Variants in LIN28B observed in about 807,000 individuals in gnomAD.
LIN28B encodes protein lin-28 homolog B.
LIN28B carries 5 observed loss-of-function variants against 21.9 expected under a neutral mutation model. The ratio of observed to expected loss-of-function variants is 0.23; its 90% CI spans 0.12 to 0.48. LIN28B has a LOEUF of 0.48. Among genes scored for constraint, LIN28B ranks in the 20% least tolerant of loss-of-function variants. LIN28B has a pLI of 0.98. For synonymous variants in LIN28B, 109 were observed against 111.3 expected, an observed-to-expected ratio of 0.98 and a Z score of 0.13; for missense variants, 245 against 310.5, an observed-to-expected ratio of 0.79 and a Z score of 1.58.
At chr6:104,983,944 T>G (rs1266511176) in intron 2 of LIN28B, among the ~76,000 whole-genome samples, 2 of 152,218 alleles carry the variant, frequency 1.3e-5, no homozygotes, top group Non-Finnish European at 2.9e-5. Context: ...AAATACTTAT[T>G]TTCAATTTAT....
intron 3 of LIN28B, among the ~76,000 whole-genome samples, chr6:105,034,419 G>A (rs1771484969): frequency 6.6e-6 from 1 of 151,820 alleles, no homozygotes; most frequent in Non-Finnish European, 1.5e-5. Flanking sequence ...AGTTAAAGTG[G>A]TAATATATTT....
chr6:104,947,196 C>T (rs1562559014), intron 2 of LIN28B, among the ~76,000 whole-genome samples: 1 of 152,154 alleles, frequency 6.6e-6, no homozygotes, highest in Non-Finnish European at 1.5e-5. Context: ...GGGATCTTGG[C>T]TCACTGCAAC....
At chr6:105,029,203 T>G (rs1771365420) in intron 3 of LIN28B, among the ~76,000 whole-genome samples, 1 of 152,134 alleles carries the variant, frequency 6.6e-6, no homozygotes, top group African/African-American at 2.4e-5. Flanking sequence ...GACAATCTTT[T>G]GAGAAGTGTT....
chr6:104,948,655 T>C (rs922203569), intron 2 of LIN28B, among the ~76,000 whole-genome samples: 3 of 152,246 alleles, frequency 2.0e-5, no homozygotes, highest in African/African-American at 7.2e-5. Context: ...GTCTCATTCC[T>C]ATTATAGTTG....
chr6:104,946,107 A>G (rs1187088729), intron 2 of LIN28B, among the ~76,000 whole-genome samples: 1 of 151,944 alleles, frequency 6.6e-6, no homozygotes, highest in Non-Finnish European at 1.5e-5. Flanking sequence ...TTATAAATAT[A>G]AGAAATAATG....
chr6:105,057,996 C>T (rs994325713), intron 3 of LIN28B: 2 of 342,290 alleles, frequency 5.8e-6, no homozygotes, highest in Admixed American at 4.1e-5. Context: ...CTCATGGTCC[C>T]TTATTTATTT....
chr6:105,057,377 C>CTATGACAGCACT (rs751373698), intron 3 of LIN28B, among the ~76,000 whole-genome samples: 26 of 152,156 alleles, frequency 1.7e-4, no homozygotes, highest in Non-Finnish European at 3.4e-4. Context: ...TATCATCTGC[C>CTATGACAGCACT]ATCTGACAGC....
At chr6:104,941,534 C>T (rs1256062445) in intron 2 of LIN28B, 1 of 148,302 alleles carries the variant, frequency 6.7e-6, no homozygotes, top group Admixed American at 6.9e-5. Flanking sequence ...GGCGGCGGGT[C>T]CTCGCGGCCG....
At chr6:104,957,699 C>A (rs1230325929) in intron 1 of LIN28B, among the ~76,000 whole-genome samples, 1 of 152,138 alleles carries the variant, frequency 6.6e-6, no homozygotes, top group Non-Finnish European at 1.5e-5. Flanking sequence ...TTCACGATTT[C>A]TCTTTCCTCC....
chr6:104,989,576 G>GTTTTTTTTTTTTT (rs34394074), intron 2 of LIN28B, among the ~76,000 whole-genome samples: 703 of 60,596 alleles, frequency 0.012, 9 homozygotes, highest in East Asian at 0.024. Context: ...TTTTACTTGG[G>GTTTTTTTTTTTTT]TTTTTTTTTT....
chr6:105,007,082 T>C (rs1310826258), intron 2 of LIN28B, among the ~76,000 whole-genome samples: 1 of 152,248 alleles, frequency 6.6e-6, no homozygotes, highest in African/African-American at 2.4e-5. Flanking sequence ...GTCTAAGGTC[T>C]CTTTCAGCTT....
upstream of LIN28B, among the ~76,000 whole-genome samples, chr6:104,956,857 A>C (rs1778297631): frequency 6.6e-6 from 1 of 152,164 alleles, no homozygotes; most frequent in African/African-American, 2.4e-5. Context: ...GTTTAAGTAG[A>C]AGCACGAAAT....
chr6:105,052,703 C>T (rs1230460751), intron 3 of LIN28B, among the ~76,000 whole-genome samples: 2 of 152,082 alleles, frequency 1.3e-5, no homozygotes, highest in Admixed American at 1.3e-4. Flanking sequence ...TCCTTTATGT[C>T]CTCTTAATGA....
At chr6:104,975,798 G>A (rs1286754449) in intron 2 of LIN28B, among the ~76,000 whole-genome samples, 2 of 151,556 alleles carry the variant, frequency 1.3e-5, no homozygotes, top group Admixed American at 6.6e-5. Flanking sequence ...GGGACTACAG[G>A]TGCGTGCCAC....
intron 3 of LIN28B, among the ~76,000 whole-genome samples, chr6:105,056,976 C>G (rs763588610): frequency 6.6e-6 from 1 of 152,128 alleles, no homozygotes; most frequent in African/African-American, 2.4e-5. Flanking sequence ...TAAACAGTTG[C>G]GTCTTATATC....
intron 3 of LIN28B, among the ~76,000 whole-genome samples, chr6:105,046,211 T>A (rs949207313): frequency 6.6e-6 from 1 of 152,002 alleles, no homozygotes; most frequent in African/African-American, 2.4e-5. Flanking sequence ...GTTCCCCTTC[T>A]TGTGTCCAAG....
chr6:104,957,402 C>T, intron 1 of LIN28B, 142 bp downstream of exon 1: 1 of 596,920 alleles, frequency 1.7e-6, no homozygotes, highest in South Asian at 2.0e-5. Context: ...CCCCATCACG[C>T]AGTGGGGCTT....
intron 3 of LIN28B, among the ~76,000 whole-genome samples, chr6:105,069,411 G>T (rs550303812): frequency 1.3e-5 from 2 of 151,970 alleles, no homozygotes; most frequent in East Asian, 1.9e-4. Flanking sequence ...GAAATTTAGG[G>T]AAAGTAGCTA....
At chr6:105,017,965 T>G (rs1002381038) in intron 2 of LIN28B, among the ~76,000 whole-genome samples, 1 of 152,080 alleles carries the variant, frequency 6.6e-6, no homozygotes, top group Non-Finnish European at 1.5e-5. Context: ...ATAAAGTGCT[T>G]AAGATGTCAA....
Sources: gnomAD v4.1 joint callset for allele counts (sites outside exome capture counted in the v4.1 genomes callset) on GRCh38, gnomAD v4.1.1 for gene constraint, MANE v1.5 for transcripts, NCBI Gene and HGNC (gene_info 2026-07-23, HGNC 2026-07-21) for gene names.